Variants in GK5 observed in about 807,000 individuals in gnomAD.
GK5 encodes the protein glycerol kinase 5.
A neutral mutation model predicts 77.3 loss-of-function variants in GK5; 39 were observed. The observed-to-expected ratio is 0.50, with a 90% CI of 0.39 to 0.66. The LOEUF (loss-of-function observed/expected upper bound fraction) is 0.66, where lower values mean the gene tolerates loss of function less well. GK5 is among the 30% of genes least tolerant of loss of function. GK5 has a pLI of 0.00. For synonymous variants in GK5, 211 were observed against 208.0 expected, an observed-to-expected ratio of 1.01 and a Z score of -0.13; for missense variants, 487 against 633.8, an observed-to-expected ratio of 0.77 and a Z score of 2.49.
intron 1 of GK5, among the ~76,000 whole-genome samples, chr3:142,225,024 G>A (rs1346515046): frequency 6.6e-6 from 1 of 152,178 alleles, no homozygotes; most frequent in African/African-American, 2.4e-5. Flanking sequence ...CCGGACAGGT[G>A]GCTCCCCAGG....
chr3:142,174,916 T>C (rs1424473488), intron 12 of GK5, among the ~76,000 whole-genome samples: 1 of 152,174 alleles, frequency 6.6e-6, no homozygotes, highest in Admixed American at 6.5e-5. Flanking sequence ...AGGTTGTATG[T>C]GATATTTCTA....
chr3:142,177,256 T>A (rs1325352318), intron 12 of GK5, among the ~76,000 whole-genome samples: 2 of 152,198 alleles, frequency 1.3e-5, no homozygotes, highest in African/African-American at 4.8e-5. Flanking sequence ...GTCAGCTGAA[T>A]TCTACCAGCA....
At chr3:142,223,504 A>T (rs2064383501) in intron 1 of GK5, among the ~76,000 whole-genome samples, 1 of 152,202 alleles carries the variant, frequency 6.6e-6, no homozygotes, top group Non-Finnish European at 1.5e-5. Flanking sequence ...AGAAGGGACC[A>T]GGGAGCTGCT....
Position 142,192,618 on chromosome 3 carries a change from A to C in GK5, c.544-4839T>G, listed in dbSNP as rs559345342. ...GTCTCTACTAAAAATACAAAAATTA[A>C]CTGGGCATGGTGGCAGGCACCTGTA... is the stretch of plus-strand genomic sequence containing the variant. On this transcript the variant is annotated intron_variant, in intron 5 of 15. Transcript: ENST00000392993. Among the ~76,000 whole-genome samples the C allele has an allele frequency of 2.6e-5, 4 of 151,914 alleles. No individual in the cohort carries two copies. In the South Asian group the frequency reaches 8.3e-4, roughly 32 times the overall value.
intron 4 of GK5, among the ~76,000 whole-genome samples, chr3:142,203,275 CA>C (rs567516666): frequency 4.1e-4 from 63 of 152,128 alleles, no homozygotes; most frequent in Non-Finnish European, 7.8e-4. Flanking sequence ...AAAGGAAAAT[CA>C]ATTCAGGTGA....
chr3:142,196,649 A>C (rs1017878821), intron 5 of GK5, among the ~76,000 whole-genome samples: 5 of 152,082 alleles, frequency 3.3e-5, no homozygotes, highest in Non-Finnish European at 7.4e-5. Context: ...GTTACTTTTA[A>C]TTCGAAGCCT....
At chr3:142,215,974 A>T (rs1340303137) in intron 1 of GK5, among the ~76,000 whole-genome samples, 5 of 152,140 alleles carry the variant, frequency 3.3e-5, no homozygotes, top group African/African-American at 1.2e-4. Context: ...AATAAGAAAA[A>T]AGGCTTTTAA....
At position 142,178,686 on chromosome 3, in the gene GK5, G is replaced by C. The variant is rs377661221; in HGVS notation, c.1049-1110C>G. Among the ~76,000 whole-genome samples the C allele has an allele frequency of 4.6e-4, 70 of 152,288 alleles. No individual in the cohort carries two copies. In the South Asian group the frequency reaches 0.015, roughly 32 times the overall value. On this transcript the variant is annotated intron_variant, in intron 11 of 15. Transcript: ENST00000392993. ...TCTATTAGTGATATACATCTGGGTA[G>C]TTCCTAGTGTTTGGCTAATAGAAAC...
At chr3:142,191,214 GAGAC>G (rs766747645) in intron 5 of GK5, among the ~76,000 whole-genome samples, 4 of 151,906 alleles carry the variant, frequency 2.6e-5, no homozygotes, top group Non-Finnish European at 5.9e-5. Context: ...ATTTTTAGTA[GAGAC>G]AGGGTTTCAC....
Position 142,164,668 on chromosome 3 carries a change from T to C in GK5, c.*954A>G, listed in dbSNP as rs1385985507. 6.6e-6 allele frequency: 1 copy of C among 152,138 alleles called. No individual in the cohort carries two copies. Among genetic ancestry groups the C allele is most frequent in the Non-Finnish European group, 1.5e-5 (1 of 68,028 alleles). The allele number at this position is 152,138 out of a possible 1,614,324, so 9.4% of individuals were successfully genotyped here. A position where few individuals can be genotyped will look rare whatever the true frequency, so the allele number is the denominator to read the frequency against. On this transcript the variant is annotated 3_prime_UTR_variant, in exon 16 of 16. Transcript: ENST00000392993. Reference sequence around the variant, plus strand: ...CAAAAAGACGCAGGAACAAATAAAATACCCCAATAAAGGCAATTCTTAAGT... The same window carrying C: ...CAAAAAGACGCAGGAACAAATAAAACACCCCAATAAAGGCAATTCTTAAGT...
intron 1 of GK5, among the ~76,000 whole-genome samples, chr3:142,217,458 T>C (rs151062893): frequency 2.6e-5 from 4 of 151,850 alleles, no homozygotes; most frequent in African/African-American, 7.2e-5. Flanking sequence ...GATAGACCAA[T>C]AGAAATTATC....
At chr3:142,222,430 T>G (rs761735854) in intron 1 of GK5, among the ~76,000 whole-genome samples, 1 of 152,060 alleles carries the variant, frequency 6.6e-6, no homozygotes, top group African/African-American at 2.4e-5. Context: ...CCAGGCTTGG[T>G]GGCGGGCGCC....
intron 11 of GK5, among the ~76,000 whole-genome samples, chr3:142,178,944 G>GT (rs2063658115): frequency 6.6e-6 from 1 of 152,170 alleles, no homozygotes; most frequent in Non-Finnish European, 1.5e-5. Context: ...TATTGTCTAT[G>GT]TTTTTCAATT....
chr3:142,164,045 TTAA>T lies in GK5; in HGVS notation c.*1574_*1576del, dbSNP rs1454080889. 1.3e-5 allele frequency: 2 copies of T among 152,154 alleles called. No individual in the cohort carries two copies. Among genetic ancestry groups the T allele is most frequent in the African/African-American group, 4.8e-5 (2 of 41,450 alleles). The allele number at this position is 152,154 out of a possible 1,614,324, so 9.4% of individuals were successfully genotyped here. ...TTACAGTAAATAAAATACCTATTTA[TTAA>T]TATTTCCAAATATTAATTAGATTTA... On this transcript the variant is annotated 3_prime_UTR_variant, in exon 16 of 16. Transcript: ENST00000392993.
chr3:142,178,812 A>G (rs1026916474), intron 11 of GK5, among the ~76,000 whole-genome samples: 23 of 152,226 alleles, frequency 1.5e-4, no homozygotes, highest in Non-Finnish European at 2.9e-4. Flanking sequence ...TAAGGTCTTC[A>G]CATTTAGAAC....
intron 3 of GK5, among the ~76,000 whole-genome samples, chr3:142,212,689 G>A (rs968696356): frequency 3.2e-4 from 49 of 152,162 alleles, no homozygotes; most frequent in African/African-American, 1.2e-3. Context: ...TGTAAAAACA[G>A]ATATGATGCC....
intron 1 of GK5, among the ~76,000 whole-genome samples, chr3:142,217,217 C>T (rs965015748): frequency 3.9e-5 from 6 of 152,038 alleles, no homozygotes; most frequent in South Asian, 2.1e-4. Context: ...GTCTCAGCAA[C>T]GGTAACTGCA....
At chr3:142,186,630 CT>C (rs781196956) in intron 6 of GK5, 117 bp from the exon 7 acceptor site, 23,974 of 261,086 alleles carry the variant, frequency 0.092, 12 homozygotes, top group East Asian at 0.14. Context: ...TGTGTATTTT[CT>C]TTTTTTTTTT....
rs187353736 is a variant in GK5 at position 142,157,913 on chromosome 3, T to A, written c.*7709A>T. On this transcript the variant is annotated 3_prime_UTR_variant, in exon 16 of 16. Coordinates refer to ENST00000392993, the MANE Select transcript of GK5 (RefSeq NM_001039547.3). ...TAGAGTCACAATTGTAGTTAACAAGTGCTATTTCTCTGGTTGTTTTTTGTT... is the reference window on the plus strand; with the variant it reads ...TAGAGTCACAATTGTAGTTAACAAGAGCTATTTCTCTGGTTGTTTTTTGTT... The A allele has an allele frequency of 6.6e-6, 1 of 152,052 alleles. No homozygotes were observed. The highest frequency in any genetic ancestry group is 2.4e-5 in the African/African-American group (1 of 41,500). 9.4% of individuals were successfully genotyped at this position (152,052 alleles called of 1,614,324 possible). A position where few individuals can be genotyped will look rare whatever the true frequency, so the allele number is the denominator to read the frequency against.
Sources: allele counts gnomAD v4.1 joint callset (sites outside exome capture counted in the v4.1 genomes callset), GRCh38; gene constraint gnomAD v4.1.1; transcripts MANE v1.5; gene names NCBI Gene and HGNC (gene_info 2026-07-23, HGNC 2026-07-21).